The following CSMD1 variants were observed in gnomAD, a reference collection of about 807,000 sequenced individuals.
The protein encoded by CSMD1 is CUB and sushi domain-containing protein 1.
Under a neutral mutation model 417.5 loss-of-function variants are expected in CSMD1, and 213 were observed. That is an observed-to-expected ratio of 0.51 (90% CI 0.46 to 0.57). The LOEUF (loss-of-function observed/expected upper bound fraction) is 0.57, where lower values mean the gene tolerates loss of function less well. CSMD1 is among the 20% of genes least tolerant of loss of function. CSMD1 has a pLI of 0.00. For missense variants in CSMD1, 6,923 were observed against 4,529.7 expected, an observed-to-expected ratio of 1.53 and a Z score of -15.17; for synonymous variants, 2,862 against 1,736.8, an observed-to-expected ratio of 1.65 and a Z score of -16.11.
intron 12 of CSMD1, among the ~76,000 whole-genome samples, chr8:3,459,076 G>T (rs747700030): frequency 1.3e-5 from 2 of 152,212 alleles, no homozygotes; most frequent in Non-Finnish European, 2.9e-5. Context: ...CCAGTGTGGG[G>T]GAGAACGATG....
chr8:3,458,928 T>C (rs1816321145), intron 12 of CSMD1, among the ~76,000 whole-genome samples: 1 of 152,166 alleles, frequency 6.6e-6, no homozygotes, highest in Non-Finnish European at 1.5e-5. Context: ...AGGGAAACAT[T>C]GGAAGGAATT....
At chr8:3,227,665 A>T (rs1798594132) in intron 27 of CSMD1, among the ~76,000 whole-genome samples, 1 of 152,208 alleles carries the variant, frequency 6.6e-6, no homozygotes, top group South Asian at 2.1e-4. Context: ...ACTAAAAACG[A>T]GTAGAAAATA....
intron 3 of CSMD1, among the ~76,000 whole-genome samples, chr8:4,036,214 G>A (rs1184243120): frequency 2.0e-5 from 3 of 152,144 alleles, no homozygotes; most frequent in African/African-American, 7.2e-5. Flanking sequence ...ACCTAAGGAT[G>A]CATTTCTCAG....
intron 4 of CSMD1, among the ~76,000 whole-genome samples, chr8:4,024,322 T>A (rs1306152889): frequency 6.6e-6 from 1 of 152,106 alleles, no homozygotes; most frequent in Non-Finnish European, 1.5e-5. Context: ...AAGACAATAA[T>A]GACAGAAAAC....
chr8:3,505,529 T>C (rs1796788453), intron 10 of CSMD1, among the ~76,000 whole-genome samples: 1 of 152,132 alleles, frequency 6.6e-6, no homozygotes, highest in Non-Finnish European at 1.5e-5. Context: ...AATAAAGCTG[T>C]ATGACAATAA....
At chr8:3,014,017 A>G (rs1414450490) in intron 52 of CSMD1, among the ~76,000 whole-genome samples, 1 of 152,132 alleles carries the variant, frequency 6.6e-6, no homozygotes, top group Non-Finnish European at 1.5e-5. Flanking sequence ...TGAACTCAGA[A>G]TTTCTTCTCC....
intron 9 of CSMD1, among the ~76,000 whole-genome samples, chr8:3,581,377 C>T (rs560408160): frequency 6.6e-6 from 1 of 152,286 alleles, no homozygotes; most frequent in African/African-American, 2.4e-5. Flanking sequence ...AATTACTGAG[C>T]TATGACAACC....
intron 5 of CSMD1, among the ~76,000 whole-genome samples, chr8:3,816,985 G>C (rs1042167578): frequency 3.3e-5 from 5 of 152,062 alleles, no homozygotes; most frequent in Admixed American, 2.6e-4. Context: ...GATTAAACAG[G>C]TTCGAACAAT....
At chr8:3,253,699 G>C (rs1217846010) in intron 26 of CSMD1, among the ~76,000 whole-genome samples, 1 of 151,848 alleles carries the variant, frequency 6.6e-6, no homozygotes, top group Non-Finnish European at 1.5e-5. Context: ...CTTGCTTTAT[G>C]AATCTTTTTT....
chr8:4,525,502 G>A (rs766393723), intron 2 of CSMD1, among the ~76,000 whole-genome samples: 11 of 152,198 alleles, frequency 7.2e-5, no homozygotes, highest in Non-Finnish European at 1.2e-4. Flanking sequence ...GCAATTTAGC[G>A]CCATTCCTCT....
intron 37 of CSMD1, 150 bp from the exon 38 acceptor site, chr8:3,162,427 T>C: frequency 1.6e-6 from 1 of 614,844 alleles, no homozygotes; most frequent in African/African-American, 1.8e-5. Context: ...AAGAAGACTT[T>C]GAGTACCTTT....
intron 1 of CSMD1, among the ~76,000 whole-genome samples, chr8:4,956,167 G>C (rs1046716334): frequency 1.3e-5 from 2 of 151,900 alleles, no homozygotes; most frequent in Admixed American, 1.3e-4. Flanking sequence ...TTCTAGAGTT[G>C]TTTCTTTTCT....
At chr8:4,158,498 G>A (rs188820932) in intron 3 of CSMD1, among the ~76,000 whole-genome samples, 1 of 152,068 alleles carries the variant, frequency 6.6e-6, no homozygotes, top group Non-Finnish European at 1.5e-5. Context: ...ATGGCAAAAG[G>A]ATATTGGAAA....
intron 5 of CSMD1, among the ~76,000 whole-genome samples, chr8:3,908,022 G>C (rs537502320): frequency 6.6e-6 from 1 of 152,078 alleles, no homozygotes. Flanking sequence ...CTTTCTACCA[G>C]GAGGACTCCA....
intron 10 of CSMD1, among the ~76,000 whole-genome samples, chr8:3,501,034 C>T (rs147891170): frequency 4.0e-5 from 6 of 151,676 alleles, no homozygotes; most frequent in Non-Finnish European, 5.9e-5. Context: ...TTTTCCTTGA[C>T]AAAATATTAA....
At chr8:3,133,446 G>T (rs959614386) in intron 41 of CSMD1, among the ~76,000 whole-genome samples, 2 of 152,184 alleles carry the variant, frequency 1.3e-5, no homozygotes, top group East Asian at 1.9e-4. Context: ...AGCAGCTGGG[G>T]GTGCCTTGGC....
intron 10 of CSMD1, among the ~76,000 whole-genome samples, chr8:3,494,375 T>G (rs1475401983): frequency 1.3e-5 from 2 of 152,146 alleles, no homozygotes. Context: ...CTTTTTCTCC[T>G]GAAAGAAGAA....
intron 5 of CSMD1, among the ~76,000 whole-genome samples, chr8:3,914,971 T>C (rs1419093412): frequency 6.6e-6 from 1 of 152,154 alleles, no homozygotes; most frequent in African/African-American, 2.4e-5. Context: ...TGCAGTGTGA[T>C]GAAAGCTGAA....
intron 3 of CSMD1, among the ~76,000 whole-genome samples, chr8:4,083,224 C>A (rs556722079): frequency 1.3e-5 from 2 of 152,222 alleles, no homozygotes; most frequent in South Asian, 4.1e-4. Flanking sequence ...AGTTTACAGG[C>A]CCACCAACAG....
Sources: allele counts gnomAD v4.1 joint callset (sites outside exome capture counted in the v4.1 genomes callset), GRCh38; gene constraint gnomAD v4.1.1; transcripts MANE v1.5; gene names NCBI Gene and HGNC (gene_info 2026-07-23, HGNC 2026-07-21).